WNT2B: variants seen among roughly 807,000 people sequenced by gnomAD.
WNT2B encodes protein Wnt-2b.
Under a neutral mutation model 40.5 loss-of-function variants are expected in WNT2B, and 19 were observed. That is an observed-to-expected ratio of 0.47 (90% CI 0.33 to 0.69). The LOEUF (loss-of-function observed/expected upper bound fraction) is 0.69. Among genes scored for constraint, WNT2B ranks in the 30% least tolerant of loss-of-function variants. The pLI, the probability that WNT2B is intolerant of heterozygous loss-of-function variation, is 0.02. For synonymous variants in WNT2B, 220 were observed against 211.9 expected, an observed-to-expected ratio of 1.04 and a Z score of -0.33; for missense variants, 467 against 556.4, an observed-to-expected ratio of 0.84 and a Z score of 1.62.
intron 1 of WNT2B, among the ~76,000 whole-genome samples, chr1:112,498,558 T>C (rs925370261): frequency 4.6e-5 from 7 of 151,910 alleles, no homozygotes; most frequent in African/African-American, 1.7e-4. Flanking sequence ...TTTTTTTTAA[T>C]GGCTGCACTA....
intron 1 of WNT2B, among the ~76,000 whole-genome samples, chr1:112,502,283 G>A (rs1200530213): frequency 6.6e-6 from 1 of 152,094 alleles, no homozygotes; most frequent in Non-Finnish European, 1.5e-5. Flanking sequence ...GAAAGCATCC[G>A]GACAGCTCCC....
chr1:112,521,449 A>C lies in WNT2B; in HGVS notation c.*940A>C, dbSNP rs1652877916. 2 of 151,740 alleles carry C rather than the reference A, an allele frequency of 1.3e-5. No individual in the cohort carries two copies. Among genetic ancestry groups the C allele is most frequent in the Admixed American group, 1.3e-4 (2 of 15,194 alleles). The allele number at this position is 151,740 out of a possible 1,614,324, so 9.4% of individuals were successfully genotyped here. On this transcript the variant is annotated 3_prime_UTR_variant, in exon 5 of 5. Coordinates refer to ENST00000369684, the MANE Select transcript of WNT2B (RefSeq NM_024494.3). ...GTGGGAGAGCAGGTAAGCAGGTCTG[A>C]TCTCAAGGGCCCACATGAGGCATCA...
rs750656494 is a variant in WNT2B at position 112,526,094 on chromosome 1, G to A, written c.*5585G>A. The A allele has an allele frequency of 6.5e-5, 105 of 1,614,008 alleles. No homozygotes were observed. The highest frequency in any genetic ancestry group is 8.1e-5 in the Non-Finnish European group (95 of 1,180,036). On this transcript the variant is annotated 3_prime_UTR_variant, in exon 5 of 5. Coordinates refer to ENST00000369684, the MANE Select transcript of WNT2B (RefSeq NM_024494.3). ...AGCCTGAGGATGCCCAGGGTTGGGG[G>A]CACCAGAGTCCCAGCACCTTCAAAA... is the stretch of plus-strand genomic sequence containing the variant.
rs774937128 is a variant in WNT2B, at chr1:112,509,484, T to C, written c.182+40T>C. On this transcript the variant is annotated intron_variant, in intron 1 of 4. Transcript: ENST00000369684. This position sits in a 1 kb window ranked among gnomAD's most constrained non-coding sequence, Gnocchi z 4.2. Reference sequence around the variant, plus strand: ...CAGGCTGGGCGGGTGAGGCGCTTGGTAGGAGAGGCCGGAGGCGCCTGGAGG... The same window carrying C: ...CAGGCTGGGCGGGTGAGGCGCTTGGCAGGAGAGGCCGGAGGCGCCTGGAGG... 1.3e-6 allele frequency: 2 copies of C among 1,531,360 alleles called. No individual in the cohort carries two copies. Among genetic ancestry groups the C allele is most frequent in the Admixed American group, 2.3e-5 (1 of 43,282 alleles). The allele number at this position is 1,531,360 out of a possible 1,614,324, so 94.9% of individuals were successfully genotyped here.
chr1:112,491,087 T>A (rs963065295), intron 1 of WNT2B: 2 of 1,613,376 alleles, frequency 1.2e-6, no homozygotes, highest in Non-Finnish European at 1.7e-6. Flanking sequence ...CAAAGGTACA[T>A]GATAATTAAA....
intron 1 of WNT2B, among the ~76,000 whole-genome samples, chr1:112,471,141 G>T (rs997142906): frequency 2.0e-5 from 3 of 152,218 alleles, no homozygotes; most frequent in African/African-American, 7.2e-5. Context: ...ATGCAGTCCA[G>T]TGGTGGCTGT....
intron 1 of WNT2B, among the ~76,000 whole-genome samples, chr1:112,483,757 A>G (rs1651306995): frequency 6.7e-6 from 1 of 149,658 alleles, no homozygotes; most frequent in South Asian, 2.2e-4. Flanking sequence ...AAAATATATA[A>G]GGAACTCATA....
At position 112,515,095 on chromosome 1, in the gene WNT2B, G is replaced by A. The variant is rs1652480810; in HGVS notation, c.403+1G>A. On this transcript the variant is annotated splice_donor_variant, in intron 2 of 4. Coordinates refer to ENST00000369684, the MANE Select transcript of WNT2B (RefSeq NM_024494.3). LOFTEE classifies it high-confidence loss of function. The surrounding 1 kb of genome is among the most constrained non-coding windows in gnomAD (Gnocchi z 4.4). ...GTCTTTGGCCGTGTCATGCTCAGAAGTAAGAGCCTCTTCCATCCTGTGTCA... is the reference window on the plus strand; with the variant it reads ...GTCTTTGGCCGTGTCATGCTCAGAAATAAGAGCCTCTTCCATCCTGTGTCA... 1 of 1,613,630 alleles carries A rather than the reference G, an allele frequency of 6.2e-7. No individual in the cohort carries two copies. Among genetic ancestry groups the A allele is most frequent in the African/African-American group, 1.3e-5 (1 of 74,946 alleles).
intron 1 of WNT2B, among the ~76,000 whole-genome samples, chr1:112,483,693 A>G (rs2101057990): frequency 6.6e-6 from 1 of 152,106 alleles, no homozygotes; most frequent in African/African-American, 2.4e-5. Context: ...AAGGCAGTCT[A>G]AGGAATGGGA....
rs1652475226 is a variant in WNT2B at position 112,514,963 on chromosome 1, A to T, written c.272A>T (p.Asp91Val). ...RQRQLCQRYP[D>V]IMRSVGEGAR... Reference sequence around the variant, plus strand: ...CGGCAGCTGTGCCAGCGTTACCCAGACATCATGCGTTCAGTGGGCGAGGGT... The same window carrying T: ...CGGCAGCTGTGCCAGCGTTACCCAGTCATCATGCGTTCAGTGGGCGAGGGT... Residue 91 changes from aspartate to valine, a missense_variant, in exon 2 of 5, where the codon GAC becomes GTC. Physicochemically the swap from Asp to Val is radical, Grantham distance 152. Coordinates refer to ENST00000369684, the MANE Select transcript of WNT2B (RefSeq NM_024494.3). The T allele has an allele frequency of 1.9e-6, 3 of 1,614,096 alleles. No individual in the cohort carries two copies. The highest frequency in any genetic ancestry group is 2.2e-5 in the East Asian group (1 of 44,890).
At position 112,526,910 on chromosome 1, in the gene WNT2B, A is replaced by G. The variant is rs1379469658; in HGVS notation, c.*6401A>G. On this transcript the variant is annotated 3_prime_UTR_variant, in exon 5 of 5. Coordinates refer to ENST00000369684, the MANE Select transcript of WNT2B (RefSeq NM_024494.3). The stretch of plus-strand genomic sequence containing the variant: ...CCCGTGGCCTGGCAAAGGTCCTGGG[A>G]TCTCAAGCTGATGCAAGCAATTTGT... 6.6e-6 allele frequency: 1 copy of G among 152,218 alleles called. No individual in the cohort carries two copies. The highest frequency in any genetic ancestry group is 1.5e-5 in the Non-Finnish European group (1 of 68,064). The allele number at this position is 152,218 out of a possible 1,614,324, so 9.4% of individuals were successfully genotyped here. A position where few individuals can be genotyped will look rare whatever the true frequency, so the allele number is the denominator to read the frequency against.
At chr1:112,496,480 T>C (rs1299028447) in intron 1 of WNT2B, among the ~76,000 whole-genome samples, 1 of 152,186 alleles carries the variant, frequency 6.6e-6, no homozygotes, top group Non-Finnish European at 1.5e-5. Flanking sequence ...TGAGTGAGAC[T>C]CAGTGCATGA....
intron 1 of WNT2B, among the ~76,000 whole-genome samples, chr1:112,498,653 G>T (rs1175831601): frequency 6.6e-6 from 1 of 151,924 alleles, no homozygotes; most frequent in African/African-American, 2.4e-5. Flanking sequence ...TTGTAACAAA[G>T]ATGGCCTTTC....
intron 1 of WNT2B, among the ~76,000 whole-genome samples, chr1:112,489,332 G>A (rs949173120): frequency 6.6e-6 from 1 of 152,008 alleles, no homozygotes; most frequent in Admixed American, 6.6e-5. Context: ...GCCGAGGCGG[G>A]CAGATTACAA....
chr1:112,473,139 G>GGAAGGAAGGA (rs1553229397), intron 1 of WNT2B, among the ~76,000 whole-genome samples: 96 of 140,548 alleles, frequency 6.8e-4, no homozygotes, highest in Middle Eastern at 3.6e-3. Flanking sequence ...GAGAAAGAAA[G>GGAAGGAAGGA]AAGAAGGAAG....
intron 1 of WNT2B, among the ~76,000 whole-genome samples, chr1:112,488,375 C>T (rs772407676): frequency 7.9e-5 from 12 of 152,084 alleles, no homozygotes; most frequent in Middle Eastern, 3.4e-3. Context: ...TAAGGGAACA[C>T]GATTATGGCA....
In WNT2B at chr1:112,514,877, C is replaced by T. The variant is rs777101334; in HGVS notation, c.186C>T (p.Tyr62=). ...LPARVDTSWW[Y]IGALGARVIC... ...CAGGGCCATCTCTGCCTTGCAGGTA[C>T]ATTGGGGCACTGGGGGCACGAGTGA... Residue 62 remains tyrosine (Y), a synonymous_variant, in exon 2 of 5, where the codon TAC becomes TAT. Transcript: ENST00000369684. The T allele has an allele frequency of 1.2e-6, 2 of 1,614,214 alleles. No homozygotes were observed. Among genetic ancestry groups the T allele is most frequent in the Admixed American group, 1.7e-5 (1 of 60,030 alleles).
intron 1 of WNT2B, among the ~76,000 whole-genome samples, chr1:112,485,918 G>A (rs1027941789): frequency 2.6e-5 from 4 of 152,080 alleles, no homozygotes; most frequent in Non-Finnish European, 5.9e-5. Context: ...GATCATATGG[G>A]ATTTTTTGAC....
Position 112,523,232 on chromosome 1 carries a change from T to C in WNT2B, c.*2723T>C, listed in dbSNP as rs1413729068. The C allele has an allele frequency of 6.6e-6, 1 of 152,268 alleles. No homozygotes were observed. The allele number at this position is 152,268 out of a possible 1,614,324, so 9.4% of individuals were successfully genotyped here. A position where few individuals can be genotyped will look rare whatever the true frequency, so the allele number is the denominator to read the frequency against. On this transcript the variant is annotated 3_prime_UTR_variant, in exon 5 of 5. Coordinates refer to ENST00000369684, the MANE Select transcript of WNT2B (RefSeq NM_024494.3). ...TCTTCTGGCATCTCATGCTACTCTG[T>C]GCTTTTCCTTGGGCTCCAAATTCTA...
Sources: gnomAD v4.1 joint callset for allele counts (sites outside exome capture counted in the v4.1 genomes callset) on GRCh38, gnomAD v4.1.1 for gene constraint, Gnocchi (gnomAD v3.1) non-coding constraint, MANE v1.5 for transcripts, NCBI Gene and HGNC (gene_info 2026-07-23, HGNC 2026-07-21) for gene names.